Variants in ARL15 observed in about 807,000 individuals in gnomAD.
ARL15 encodes ARF like GTPase 15.
Under a neutral mutation model 25.2 loss-of-function variants are expected in ARL15, and 19 were observed. That is an observed-to-expected ratio of 0.75 (90% confidence interval 0.53 to 1.10). The LOEUF (loss-of-function observed/expected upper bound fraction) is 1.10, where lower values mean the gene tolerates loss of function less well. Ranked by LOEUF, ARL15 falls within the 50% of genes least tolerant of loss-of-function variation. The pLI, the probability that ARL15 is intolerant of heterozygous loss-of-function variation, is 0.00. For missense variants in ARL15, 220 were observed against 246.0 expected (o/e 0.89, Z 0.71); for synonymous variants, 94 against 86.8 (o/e 1.08, Z -0.46).
In ARL15 at chr5:54,175,760, C is replaced by T. The variant is rs140243146; in HGVS notation, c.49-3832G>A. Among the ~76,000 whole-genome samples, 740 of 151,838 alleles carry T rather than the reference C, an allele frequency of 4.9e-3. 5 individuals are homozygous for T. Among genetic ancestry groups the T allele is most frequent in the African/African-American group, 0.017 (715 of 41,346 alleles). ...CTCCAAATCCCAGGCTCAAGCAATCCTCCCACCTCAGCCTCCCGAGTAGCT... is the reference window on the plus strand; with the variant it reads ...CTCCAAATCCCAGGCTCAAGCAATCTTCCCACCTCAGCCTCCCGAGTAGCT... On this transcript the variant is annotated intron_variant, in intron 1 of 4. Coordinates refer to ENST00000504924, the MANE Select transcript of ARL15 (RefSeq NM_019087.3).
chr5:53,892,796 T>A (rs1744761622), intron 4 of ARL15, among the ~76,000 whole-genome samples: 1 of 151,984 alleles, frequency 6.6e-6, no homozygotes, highest in South Asian at 2.1e-4. Flanking sequence ...TGTAGAGACA[T>A]TATCTCATTA....
intron 1 of ARL15, among the ~76,000 whole-genome samples, chr5:54,222,546 T>C (rs528007433): frequency 6.6e-6 from 1 of 152,342 alleles, no homozygotes; most frequent in African/African-American, 2.4e-5. Flanking sequence ...ATCAAAGCTA[T>C]GCTCGTCATA....
At chr5:54,067,586 C>T (rs1185536678) in intron 4 of ARL15, among the ~76,000 whole-genome samples, 1 of 152,306 alleles carries the variant, frequency 6.6e-6, no homozygotes, top group African/African-American at 2.4e-5. Context: ...GGCCTAATCA[C>T]AGTCTATGAA....
chr5:54,175,940 C>T lies in ARL15; in HGVS notation c.49-4012G>A, dbSNP rs187299773. Among the ~76,000 whole-genome samples, 7 of 152,296 alleles carry T rather than the reference C, an allele frequency of 4.6e-5. No individual in the cohort carries two copies. In the East Asian group the frequency reaches 5.8e-4, roughly 13 times the overall value. ...GTGCTGAGATTACACACGTGAGCCA[C>T]TGAGCCTGGTCTCTCTTCCCTTTTT... On this transcript the variant is annotated intron_variant, in intron 1 of 4. Coordinates refer to ENST00000504924, the MANE Select transcript of ARL15 (RefSeq NM_019087.3).
chr5:54,185,566 G>A (rs781064886), intron 1 of ARL15, among the ~76,000 whole-genome samples: 1 of 152,162 alleles, frequency 6.6e-6, no homozygotes, highest in Non-Finnish European at 1.5e-5. Flanking sequence ...GCTCCCCAGT[G>A]ATGTGCGTGG....
chr5:54,167,112 C>T (rs566507926), intron 2 of ARL15, among the ~76,000 whole-genome samples: 3 of 152,174 alleles, frequency 2.0e-5, no homozygotes, highest in Non-Finnish European at 4.4e-5. Flanking sequence ...TGATTACAGG[C>T]ATAGTTTTCA....
At chr5:54,186,864 G>A (rs1755254262) in intron 1 of ARL15, among the ~76,000 whole-genome samples, 1 of 140,504 alleles carries the variant, frequency 7.1e-6, no homozygotes, top group Non-Finnish European at 1.5e-5. Context: ...AGTCTCAGTA[G>A]CATCGACTTT....
At chr5:54,069,541 A>G (rs1029616527) in intron 4 of ARL15, among the ~76,000 whole-genome samples, 5 of 125,892 alleles carry the variant, frequency 4.0e-5, no homozygotes, top group African/African-American at 1.5e-4. Context: ...AGCCTGGGTG[A>G]CAACAGCAAA....
At chr5:54,000,478 G>A (rs1748816328) in intron 4 of ARL15, among the ~76,000 whole-genome samples, 1 of 152,056 alleles carries the variant, frequency 6.6e-6, no homozygotes, top group Non-Finnish European at 1.5e-5. Context: ...TTGAAACTGA[G>A]GAAAAAGGAG....
intron 4 of ARL15, among the ~76,000 whole-genome samples, chr5:54,108,329 A>G (rs1752646566): frequency 6.6e-6 from 1 of 152,106 alleles, no homozygotes; most frequent in Non-Finnish European, 1.5e-5. Flanking sequence ...CCATTTTAGA[A>G]TAAGTATACG....
intron 4 of ARL15, among the ~76,000 whole-genome samples, chr5:54,033,242 G>T (rs1231471399): frequency 6.6e-6 from 1 of 152,062 alleles, no homozygotes; most frequent in East Asian, 1.9e-4. Flanking sequence ...GAACCTGGGA[G>T]GTGGAAGTTG....
chr5:54,196,702 C>CA (rs1755560133), intron 1 of ARL15, among the ~76,000 whole-genome samples: 1 of 152,022 alleles, frequency 6.6e-6, no homozygotes, highest in African/African-American at 2.4e-5. Flanking sequence ...TTTACACATT[C>CA]AGTGCTCTTT....
intron 4 of ARL15, among the ~76,000 whole-genome samples, chr5:54,063,612 C>T (rs901696530): frequency 1.3e-5 from 2 of 150,802 alleles, no homozygotes; most frequent in African/African-American, 4.9e-5. Context: ...GTATGACAAA[C>T]TCCTAATTCA....
chr5:53,941,409 T>C lies in ARL15; in HGVS notation c.463-54696A>G, dbSNP rs115157975. On this transcript the variant is annotated intron_variant, in intron 4 of 4. Transcript: ENST00000504924. ...TTCTTTTTACAGGAGGTCGGGTAAG[T>C]TCATACAGAAAAACTCTACAGAATG... Among the ~76,000 whole-genome samples the C allele has an allele frequency of 6.9e-3, 1,056 of 152,292 alleles. 14 individuals carry two copies. Among genetic ancestry groups the C allele is most frequent in the African/African-American group, 0.024 (1,012 of 41,546 alleles).
chr5:54,257,896 A>G (rs776218779), intron 1 of ARL15, among the ~76,000 whole-genome samples: 1 of 152,060 alleles, frequency 6.6e-6, no homozygotes, highest in Non-Finnish European at 1.5e-5. Context: ...GTATTGACTT[A>G]TTACTGCCAT....
At chr5:54,136,860 T>A (rs1211614067) in intron 3 of ARL15, among the ~76,000 whole-genome samples, 2 of 151,568 alleles carry the variant, frequency 1.3e-5, no homozygotes, top group Non-Finnish European at 2.9e-5. Context: ...GACAGGACAG[T>A]CTGCCTGGGT....
intron 4 of ARL15, among the ~76,000 whole-genome samples, chr5:53,929,063 A>C (rs532129484): frequency 6.6e-6 from 1 of 152,276 alleles, no homozygotes; most frequent in Admixed American, 6.5e-5. Flanking sequence ...AAGAAAGATA[A>C]TCCTTAAAGT....
At chr5:54,005,479 TG>T (rs1227126135) in intron 4 of ARL15, among the ~76,000 whole-genome samples, 1 of 152,050 alleles carries the variant, frequency 6.6e-6, no homozygotes, top group African/African-American at 2.4e-5. Flanking sequence ...CCCAGCACTT[TG>T]GGAGGCCAAG....
At chr5:54,177,855 C>G (rs1233397462) in intron 1 of ARL15, among the ~76,000 whole-genome samples, 3 of 152,170 alleles carry the variant, frequency 2.0e-5, no homozygotes, top group Non-Finnish European at 4.4e-5. Context: ...GCTCAAAGTT[C>G]TGTTTAAAGG....
Sources: gnomAD v4.1 joint callset for allele counts (sites outside exome capture counted in the v4.1 genomes callset) on GRCh38, gnomAD v4.1.1 for gene constraint, MANE v1.5 for transcripts, NCBI Gene and HGNC (gene_info 2026-07-23, HGNC 2026-07-21) for gene names.